The following AGMO variants were observed in gnomAD, a reference collection of about 807,000 sequenced individuals.
The protein encoded by AGMO is glyceryl-ether monooxygenase.
In AGMO, 75 loss-of-function variants were observed where a neutral mutation model predicts 60.2. The ratio of observed to expected loss-of-function variants is 1.25; its 90% CI spans 1.03 to 1.51. The LOEUF (loss-of-function observed/expected upper bound fraction) is 1.51. AGMO is among the 40% of genes most tolerant of loss of function. The pLI, the probability that AGMO is intolerant of heterozygous loss-of-function variation, is 0.00. For missense variants in AGMO, 763 were observed against 525.5 expected, an observed-to-expected ratio of 1.45 and a Z score of -4.42; for synonymous variants, 261 against 177.1, an observed-to-expected ratio of 1.47 and a Z score of -3.76.
At chr7:15,273,093 T>C (rs1783666331) in intron 12 of AGMO, among the ~76,000 whole-genome samples, 1 of 152,218 alleles carries the variant, frequency 6.6e-6, no homozygotes, top group Non-Finnish European at 1.5e-5. Flanking sequence ...CTCACTCTGA[T>C]GGTGGTTTCT....
chr7:15,231,064 G>A (rs934025173), intron 12 of AGMO, among the ~76,000 whole-genome samples: 18 of 152,148 alleles, frequency 1.2e-4, no homozygotes, highest in African/African-American at 4.1e-4. Context: ...CCTAGATCAT[G>A]ATAGTGAACC....
chr7:15,228,838 G>A (rs1206975231), intron 12 of AGMO, among the ~76,000 whole-genome samples: 1 of 152,064 alleles, frequency 6.6e-6, no homozygotes, highest in Non-Finnish European at 1.5e-5. Flanking sequence ...CATGGATCTG[G>A]ATGTAAATTT....
At chr7:15,165,794 TC>T in the AGMO span, among the ~76,000 whole-genome samples, 2 of 152,262 alleles carry the variant, frequency 1.3e-5, no homozygotes, top group East Asian at 3.9e-4. Flanking sequence ...TAAATGAGAA[TC>T]TATAAAAATA....
At chr7:15,331,537 A>G (rs926007455) in intron 12 of AGMO, among the ~76,000 whole-genome samples, 3 of 152,212 alleles carry the variant, frequency 2.0e-5, no homozygotes, top group Admixed American at 1.3e-4. Context: ...GTGTTCCTGT[A>G]AAGATTTTTG....
intron 12 of AGMO, among the ~76,000 whole-genome samples, chr7:15,344,727 G>T (rs550300026): frequency 7.1e-4 from 108 of 152,152 alleles, no homozygotes; most frequent in African/African-American, 2.5e-3. Context: ...AAAACACGTG[G>T]ATGCAGATTT....
In AGMO at chr7:15,396,002, C is replaced by CCAT. The variant is rs758439264; in HGVS notation, c.610-1826_610-1824dup. On this transcript the variant is annotated intron_variant, in intron 5 of 12. Transcript: ENST00000342526. ...AGCGGATCCTTCTCTGGGACAGGAG[C>CCAT]CATCATCATCATCATCTCCCTATTA... 4.3e-4 allele frequency: 66 copies of CCAT among 152,132 alleles called. 1 individual carries two copies. The highest frequency in any genetic ancestry group is 1.3e-3 in the African/African-American group (54 of 41,428). The allele number at this position is 152,132 out of a possible 1,614,324, so 9.4% of individuals were successfully genotyped here. A position where few individuals can be genotyped will look rare whatever the true frequency, so the allele number is the denominator to read the frequency against.
chr7:15,411,470 A>G (rs1780602430), intron 5 of AGMO, among the ~76,000 whole-genome samples: 2 of 152,214 alleles, frequency 1.3e-5, no homozygotes, highest in East Asian at 3.9e-4. Flanking sequence ...AAAATAAAAA[A>G]TGCAGTTTAC....
chr7:15,125,416 GCTTAATGCTAAGATGTGA>G, the AGMO span, among the ~76,000 whole-genome samples: 1 of 152,092 alleles, frequency 6.6e-6, no homozygotes, highest in Non-Finnish European at 1.5e-5. Flanking sequence ...GAGCCCCATA[GCTTAATGCTAAGATGTGA>G]CTGATTTTGA....
At chr7:15,531,235 AT>A in intron 3 of AGMO, among the ~76,000 whole-genome samples, 4 of 92,672 alleles carry the variant, frequency 4.3e-5, no homozygotes, top group Non-Finnish European at 7.5e-5. Context: ...TTCTATATAT[AT>A]ATTCTATATA....
intron 3 of AGMO, among the ~76,000 whole-genome samples, chr7:15,523,249 T>G (rs1273395545): frequency 1.3e-5 from 2 of 152,224 alleles, no homozygotes; most frequent in Non-Finnish European, 2.9e-5. Flanking sequence ...GTAAATTAGT[T>G]CATCCATTGT....
chr7:15,461,035 G>C (rs1021172728), intron 3 of AGMO, among the ~76,000 whole-genome samples: 3 of 152,008 alleles, frequency 2.0e-5, no homozygotes, highest in Admixed American at 2.0e-4. Flanking sequence ...TGTTGAAGAA[G>C]ACAGATGTAT....
At chr7:15,277,077 G>T (rs1783819294) in intron 12 of AGMO, among the ~76,000 whole-genome samples, 1 of 151,948 alleles carries the variant, frequency 6.6e-6, no homozygotes, top group Non-Finnish European at 1.5e-5. Context: ...GGAGGCCAAG[G>T]TAGGTGGATT....
chr7:15,326,755 C>T (rs145761890), intron 12 of AGMO, among the ~76,000 whole-genome samples: 4 of 152,058 alleles, frequency 2.6e-5, no homozygotes, highest in Admixed American at 2.6e-4. Flanking sequence ...CAAACAGATA[C>T]CATTCATTTT....
chr7:15,524,315 T>C (rs1448555264), intron 3 of AGMO, among the ~76,000 whole-genome samples: 2 of 152,106 alleles, frequency 1.3e-5, no homozygotes, highest in African/African-American at 4.8e-5. Context: ...AAAGGAATAA[T>C]AGATTTTTTA....
At chr7:15,556,575 T>C (rs992879650) in intron 2 of AGMO, among the ~76,000 whole-genome samples, 37 of 152,004 alleles carry the variant, frequency 2.4e-4, no homozygotes, top group African/African-American at 8.4e-4. Flanking sequence ...TGGAAGGAAG[T>C]AACAAATTGA....
chr7:15,392,863 A>AT (rs1313176574), intron 6 of AGMO, among the ~76,000 whole-genome samples: 3 of 152,182 alleles, frequency 2.0e-5, no homozygotes, highest in Non-Finnish European at 2.9e-5. Context: ...ACTGAACATC[A>AT]TAGCTTCGCC....
intron 3 of AGMO, among the ~76,000 whole-genome samples, chr7:15,521,062 A>G (rs559550720): frequency 1.2e-4 from 18 of 152,300 alleles, no homozygotes; most frequent in Non-Finnish European, 2.1e-4. Flanking sequence ...AGAATACTAC[A>G]AACACCTCTA....
chr7:15,333,965 G>C (rs1045028387), intron 12 of AGMO, among the ~76,000 whole-genome samples: 1 of 151,936 alleles, frequency 6.6e-6, no homozygotes, highest in Non-Finnish European at 1.5e-5. Context: ...AGTTACCATA[G>C]AATACAAGTA....
the AGMO span, among the ~76,000 whole-genome samples, chr7:15,145,351 A>C: frequency 6.6e-6 from 1 of 152,206 alleles, no homozygotes; most frequent in East Asian, 1.9e-4. Flanking sequence ...CAGTTATTTA[A>C]AGATATTTAA....
Sources: allele counts gnomAD v4.1 joint callset (sites outside exome capture counted in the v4.1 genomes callset), GRCh38; gene constraint gnomAD v4.1.1; transcripts MANE v1.5; gene names NCBI Gene and HGNC (gene_info 2026-07-23, HGNC 2026-07-21).